Variants in PTPRD observed in about 807,000 individuals in gnomAD.
PTPRD encodes the protein protein tyrosine phosphatase receptor type D.
A neutral mutation model predicts 214.5 loss-of-function variants in PTPRD; 34 were observed. That is an observed-to-expected ratio of 0.16 (90% CI 0.12 to 0.21). The LOEUF (loss-of-function observed/expected upper bound fraction) is 0.21, where lower values mean the gene tolerates loss of function less well. Among genes scored for constraint, PTPRD ranks in the 10% least tolerant of loss-of-function variants. PTPRD has a pLI of 1.00. For synonymous variants in PTPRD, 1,128 were observed against 845.7 expected (o/e 1.33, Z -5.79); for missense variants, 2,545 against 2,398.7 (o/e 1.06, Z -1.27).
At chr9:9,580,838 C>T (rs537730220) in intron 7 of PTPRD, among the ~76,000 whole-genome samples, 13 of 152,108 alleles carry the variant, frequency 8.5e-5, no homozygotes, top group African/African-American at 2.9e-4. Context: ...CATGAGCCAC[C>T]GTGCCCAGCC....
At chr9:8,699,331 G>C (rs1362512766) in intron 12 of PTPRD, among the ~76,000 whole-genome samples, 1 of 152,212 alleles carries the variant, frequency 6.6e-6, no homozygotes, top group African/African-American at 2.4e-5. Context: ...GGCAGACAAA[G>C]AAACTCTGTC....
chr9:9,690,270 G>C (rs981874405), intron 7 of PTPRD, among the ~76,000 whole-genome samples: 1 of 151,712 alleles, frequency 6.6e-6, no homozygotes, highest in Admixed American at 6.6e-5. Context: ...ATACCTGTTG[G>C]CCATTTGTGT....
intron 7 of PTPRD, among the ~76,000 whole-genome samples, chr9:9,663,408 G>C (rs1046364255): frequency 2.6e-5 from 4 of 151,364 alleles, no homozygotes; most frequent in African/African-American, 9.7e-5. Context: ...TTTAAAAAGT[G>C]ACTACAGTAT....
chr9:9,855,914 C>T (rs1473228900), intron 5 of PTPRD, among the ~76,000 whole-genome samples: 1 of 152,180 alleles, frequency 6.6e-6, no homozygotes, highest in African/African-American at 2.4e-5. Flanking sequence ...CAGCTGCTCT[C>T]TACCGGTGAG....
intron 2 of PTPRD, among the ~76,000 whole-genome samples, chr9:10,497,509 G>C (rs1046100101): frequency 2.0e-5 from 3 of 151,930 alleles, no homozygotes; most frequent in African/African-American, 7.2e-5. Context: ...CTGGTTTTCA[G>C]ACATATATAA....
chr9:10,456,128 T>C (rs1308970776), intron 2 of PTPRD, among the ~76,000 whole-genome samples: 2 of 151,836 alleles, frequency 1.3e-5, no homozygotes, highest in Non-Finnish European at 3.0e-5. Context: ...AGTAAACTAC[T>C]TCAGACTCTG....
intron 11 of PTPRD, among the ~76,000 whole-genome samples, chr9:8,941,668 C>T (rs10816012): frequency 0.47 from 71,448 of 151,730 alleles, 17,318 homozygotes; most frequent in East Asian, 0.76. Context: ...GTTAAAACAA[C>T]TTTGAGAGAA....
At chr9:9,781,844 G>C (rs918131279) in intron 5 of PTPRD, among the ~76,000 whole-genome samples, 6 of 150,680 alleles carry the variant, frequency 4.0e-5, no homozygotes, top group Non-Finnish European at 7.4e-5. Flanking sequence ...CCAGGCTGGA[G>C]TGCAGTGGCG....
chr9:10,108,356 G>T (rs112389989), intron 3 of PTPRD, among the ~76,000 whole-genome samples: 1,993 of 152,036 alleles, frequency 0.013, 35 homozygotes, highest in Non-Finnish European at 0.016. Context: ...CAATTTTCAA[G>T]TGTACAGTAT....
intron 14 of PTPRD, among the ~76,000 whole-genome samples, chr9:8,595,736 CATA>C (rs2094443718): frequency 6.6e-6 from 1 of 152,116 alleles, no homozygotes. Context: ...TATTGGAGGT[CATA>C]ATAATGAATC....
intron 25 of PTPRD, among the ~76,000 whole-genome samples, chr9:8,497,529 G>A (rs931926043): frequency 4.6e-5 from 7 of 152,100 alleles, no homozygotes; most frequent in Non-Finnish European, 1.0e-4. Context: ...ATAGCAATGA[G>A]GCACAGAAAA....
At chr9:8,350,480 A>C (rs3847289) in intron 39 of PTPRD, among the ~76,000 whole-genome samples, 4 of 152,148 alleles carry the variant, frequency 2.6e-5, no homozygotes, top group African/African-American at 7.2e-5. Context: ...TCTATGAGAA[A>C]AGATTGAGTT....
chr9:8,395,037 G>T (rs2090726433), intron 36 of PTPRD, among the ~76,000 whole-genome samples: 1 of 152,138 alleles, frequency 6.6e-6, no homozygotes, highest in African/African-American at 2.4e-5. Context: ...TGGATGTTCA[G>T]CTGAGCGTCT....
chr9:10,394,562 T>A (rs76686314), intron 2 of PTPRD, among the ~76,000 whole-genome samples: 1 of 151,828 alleles, frequency 6.6e-6, no homozygotes, highest in African/African-American at 2.4e-5. Context: ...CCATGAAACC[T>A]TAGGATGCAA....
At chr9:8,952,767 T>A (rs2099109798) in intron 11 of PTPRD, among the ~76,000 whole-genome samples, 1 of 151,886 alleles carries the variant, frequency 6.6e-6, no homozygotes, top group Admixed American at 6.6e-5. Flanking sequence ...GTAGAAGTGA[T>A]CATGTGGTAA....
At chr9:10,460,237 C>T (rs935822377) in intron 2 of PTPRD, among the ~76,000 whole-genome samples, 4 of 151,902 alleles carry the variant, frequency 2.6e-5, no homozygotes, top group African/African-American at 9.7e-5. Context: ...AAATAGGACA[C>T]AAATAAGTGA....
At chr9:10,335,411 T>C (rs1326043698) in intron 3 of PTPRD, among the ~76,000 whole-genome samples, 2 of 151,692 alleles carry the variant, frequency 1.3e-5, no homozygotes, top group African/African-American at 2.4e-5. Flanking sequence ...AAAATGAATC[T>C]ACTCACAAAT....
intron 12 of PTPRD, among the ~76,000 whole-genome samples, chr9:8,663,064 A>AT (rs2097096476): frequency 2.0e-5 from 3 of 152,184 alleles, no homozygotes; most frequent in Non-Finnish European, 4.4e-5. Context: ...AAAACCTGGT[A>AT]TAAAAAGTCA....
At chr9:10,581,838 C>T (rs1054694604) in intron 2 of PTPRD, among the ~76,000 whole-genome samples, 3 of 152,106 alleles carry the variant, frequency 2.0e-5, no homozygotes, top group Admixed American at 1.3e-4. Context: ...CAGACAGATG[C>T]TTTAAATACA....
Sources: allele counts gnomAD v4.1 joint callset (sites outside exome capture counted in the v4.1 genomes callset), GRCh38; gene constraint gnomAD v4.1.1; transcripts MANE v1.5; gene names NCBI Gene and HGNC (gene_info 2026-07-23, HGNC 2026-07-21).